CEP63: variants seen among roughly 807,000 people sequenced by gnomAD.
The protein encoded by CEP63 is centrosomal protein of 63 kDa.
In CEP63, 84 loss-of-function variants were observed where a neutral mutation model predicts 89.1. The observed-to-expected ratio is 0.94, with a 90% CI of 0.79 to 1.13. CEP63 has a LOEUF of 1.13. CEP63 is among the 50% of genes most tolerant of loss of function. The pLI is 0.00. For synonymous variants in CEP63, 267 were observed against 272.5 expected (o/e 0.98, Z 0.20); for missense variants, 838 against 813.3 (o/e 1.03, Z -0.37).
the CEP63 span, among the ~76,000 whole-genome samples, chr3:134,602,981 C>T: frequency 6.6e-6 from 1 of 152,196 alleles, no homozygotes; most frequent in African/African-American, 2.4e-5. Context: ...CCTCACCACA[C>T]CCTTTTTCTT....
the CEP63 span, among the ~76,000 whole-genome samples, chr3:134,696,229 C>T: frequency 6.6e-6 from 1 of 152,244 alleles, no homozygotes; most frequent in Admixed American, 6.5e-5. Flanking sequence ...GTTTTACTCA[C>T]TCTCTAAGCG....
At chr3:134,646,903 T>C in the CEP63 span, among the ~76,000 whole-genome samples, 1 of 152,124 alleles carries the variant, frequency 6.6e-6, no homozygotes, top group African/African-American at 2.4e-5. Context: ...GGCCCCTTAG[T>C]GTTACCACAG....
chr3:134,650,764 C>T, the CEP63 span: 1 of 1,457,912 alleles, frequency 6.9e-7, no homozygotes, highest in Non-Finnish European at 9.1e-7. Context: ...GCGGGCAGGC[C>T]CTTGTGGCAA....
At chr3:134,534,530 T>C (rs930159480) in intron 5 of CEP63, among the ~76,000 whole-genome samples, 1 of 152,178 alleles carries the variant, frequency 6.6e-6, no homozygotes, top group Non-Finnish European at 1.5e-5. Flanking sequence ...TTCTCACTTA[T>C]CGGTCCTTAG....
At chr3:134,742,815 A>G in the CEP63 span, among the ~76,000 whole-genome samples, 1 of 152,232 alleles carries the variant, frequency 6.6e-6, no homozygotes, top group South Asian at 2.1e-4. Context: ...ATGACAGAGC[A>G]AAAAGATCCT....
downstream of CEP63, among the ~76,000 whole-genome samples, chr3:134,590,347 A>G (rs1203680119): frequency 6.6e-6 from 1 of 152,258 alleles, no homozygotes; most frequent in Non-Finnish European, 1.5e-5. Flanking sequence ...TTAGTAAGAT[A>G]ATTGGATACT....
chr3:134,691,763 A>G, the CEP63 span, among the ~76,000 whole-genome samples: 29 of 151,970 alleles, frequency 1.9e-4, no homozygotes, highest in African/African-American at 7.0e-4. Flanking sequence ...TCTGTTGCCC[A>G]GGCTGTAGTG....
chr3:134,489,116 AC>A (rs1936755856), intron 1 of CEP63, among the ~76,000 whole-genome samples: 1 of 150,010 alleles, frequency 6.7e-6, no homozygotes, highest in Non-Finnish European at 1.5e-5. Context: ...AGCCGAGATC[AC>A]GCCACTGCAC....
intron 13 of CEP63, among the ~76,000 whole-genome samples, chr3:134,558,612 G>A (rs187742603): frequency 6.6e-6 from 1 of 152,264 alleles, no homozygotes; most frequent in Admixed American, 6.5e-5. Flanking sequence ...TTTTCATGCT[G>A]CCTTCCACCT....
At chr3:134,552,115 C>G in intron 12 of CEP63, 103 bp downstream of exon 12, 1 of 650,630 alleles carries the variant, frequency 1.5e-6, no homozygotes, top group South Asian at 1.8e-5. Flanking sequence ...AACTTAGATC[C>G]TTTTGCAGAA....
chr3:134,755,666 C>T, the CEP63 span: 1 of 152,238 alleles, frequency 6.6e-6, no homozygotes, highest in Non-Finnish European at 1.5e-5. Context: ...CAGCCTGGCT[C>T]CTTTCTGTGG....
chr3:134,720,866 A>G, the CEP63 span, among the ~76,000 whole-genome samples: 1 of 152,122 alleles, frequency 6.6e-6, no homozygotes, highest in African/African-American at 2.4e-5. Context: ...ACCACACAGT[A>G]TCGATTACTG....
chr3:134,527,971 C>G (rs887100759), intron 3 of CEP63, among the ~76,000 whole-genome samples: 2 of 152,194 alleles, frequency 1.3e-5, no homozygotes, highest in Non-Finnish European at 2.9e-5. Flanking sequence ...CAGATTCTCT[C>G]ACACCAAACC....
At chr3:134,649,478 G>A in the CEP63 span, among the ~76,000 whole-genome samples, 1 of 152,186 alleles carries the variant, frequency 6.6e-6, no homozygotes, top group Non-Finnish European at 1.5e-5. Context: ...CTGGACTGTG[G>A]TACATGTATT....
chr3:134,619,943 C>T, the CEP63 span: 1 of 152,336 alleles, frequency 6.6e-6, no homozygotes, highest in Admixed American at 6.5e-5. Context: ...CAGTTTGGAC[C>T]TCCTACCTGT....
rs1183491273 is a variant in CEP63, at chr3:134,550,241, A to G, written c.1361A>G (p.Asp454Gly). The G allele has an allele frequency of 6.2e-7, 1 of 1,614,206 alleles. No homozygotes were observed. Among genetic ancestry groups the G allele is most frequent in the Non-Finnish European group, 8.5e-7 (1 of 1,180,014 alleles). The part of the protein sequence containing the change: ...RLRAEMQKAE[D>G]KAVEHKEILD... Reference sequence around the variant, plus strand: ...AGAGCAGAGATGCAAAAGGCAGAAGACAAAGCAGTAGAGCATAAGGTGAAG... The same window carrying G: ...AGAGCAGAGATGCAAAAGGCAGAAGGCAAAGCAGTAGAGCATAAGGTGAAG... Residue 454 changes from aspartate to glycine, a missense_variant, in exon 11 of 15, where the codon GAC (aspartate) becomes GGC (glycine). Asp to Gly is a moderately conservative substitution (Grantham distance 94). Coordinates refer to ENST00000675561, the MANE Select transcript of CEP63 (RefSeq NM_001353108.3).
chr3:134,772,618 G>C, the CEP63 span, among the ~76,000 whole-genome samples: 3 of 152,026 alleles, frequency 2.0e-5, no homozygotes, highest in Non-Finnish European at 2.9e-5. Context: ...TTTGGATCCA[G>C]TGTGCTCTCT....
chr3:134,660,813 A>C, the CEP63 span, among the ~76,000 whole-genome samples: 1 of 152,212 alleles, frequency 6.6e-6, no homozygotes, highest in Non-Finnish European at 1.5e-5. Context: ...GAGGACAGTC[A>C]GGTCTCCACT....
intron 12 of CEP63, among the ~76,000 whole-genome samples, chr3:134,554,579 A>T (rs1386639266): frequency 6.7e-4 from 94 of 141,012 alleles, no homozygotes; most frequent in African/African-American, 1.2e-3. Context: ...CATGATTTAT[A>T]GTCCTTTGGG....
Sources: allele counts gnomAD v4.1 joint callset (sites outside exome capture counted in the v4.1 genomes callset), GRCh38; gene constraint gnomAD v4.1.1; transcripts MANE v1.5; gene names NCBI Gene and HGNC (gene_info 2026-07-23, HGNC 2026-07-21).